The following P4HB variants were observed in gnomAD, a reference collection of about 807,000 sequenced individuals.
The protein encoded by P4HB is protein disulfide-isomerase.
P4HB carries 20 observed loss-of-function variants against 52.6 expected under a neutral mutation model. The observed-to-expected ratio is 0.38, with a 90% CI of 0.27 to 0.55. The LOEUF (loss-of-function observed/expected upper bound fraction) is 0.55. Among genes scored for constraint, P4HB ranks in the 20% least tolerant of loss-of-function variants. P4HB has a pLI of 0.74. For missense variants in P4HB, 601 were observed against 669.2 expected, an observed-to-expected ratio of 0.90 and a Z score of 1.12; for synonymous variants, 296 against 277.9, an observed-to-expected ratio of 1.07 and a Z score of -0.65.
At position 81,846,026 on chromosome 17, in the gene P4HB, A is replaced by T; in HGVS notation, c.1057-35T>A. 6.3e-7 allele frequency: 1 copy of T among 1,575,346 alleles called. No homozygotes were observed. Among genetic ancestry groups the T allele is most frequent in the South Asian group, 1.1e-5 (1 of 87,746 alleles). On this transcript the variant is annotated intron_variant, in intron 7 of 10. Coordinates refer to ENST00000331483, the MANE Select transcript of P4HB (RefSeq NM_000918.4). The surrounding 1 kb of genome is among the most constrained non-coding windows in gnomAD (Gnocchi z 5.7). Reference sequence around the variant, plus strand: ...AGGCAGGGCACGGTGAGGGGCGGCGATGCCTGGGGGACCACAGAGCTCCCC... The same window carrying T: ...AGGCAGGGCACGGTGAGGGGCGGCGTTGCCTGGGGGACCACAGAGCTCCCC...
At chr17:81,844,276 G>A (rs745425968) in intron 10 of P4HB, among the ~76,000 whole-genome samples, 184 bp from the exon 11 acceptor site, 3 of 152,208 alleles carry the variant, frequency 2.0e-5, no homozygotes, top group Non-Finnish European at 2.9e-5. Context: ...GAAGAGTGAC[G>A]CCTGGGGGAT....
intron 2 of P4HB, among the ~76,000 whole-genome samples, chr17:81,858,257 CAAAAAA>C (rs901002093): frequency 7.7e-5 from 3 of 38,780 alleles, no homozygotes; most frequent in African/African-American, 1.5e-4. Flanking sequence ...GAGACTGTCT[CAAAAAA>C]AAAAAAAAAA....
In P4HB at chr17:81,846,731, T is replaced by A; in HGVS notation, c.856-102A>T. The A allele has an allele frequency of 7.6e-7, 1 of 1,322,168 alleles. No homozygotes were observed. The highest frequency in any genetic ancestry group is 1.2e-5 in the South Asian group (1 of 80,604). The allele number at this position is 1,322,168 out of a possible 1,614,324, so 81.9% of individuals were successfully genotyped here. ...AGACCGTGCTCCGGTGCCTTTTTCCTCCAACCTGGATTCCGGGGTTGCCCA... is the reference window on the plus strand; with the variant it reads ...AGACCGTGCTCCGGTGCCTTTTTCCACCAACCTGGATTCCGGGGTTGCCCA... On this transcript the variant is annotated intron_variant, in intron 6 of 10. Coordinates refer to ENST00000331483, the MANE Select transcript of P4HB (RefSeq NM_000918.4). The surrounding 1 kb of genome is among the most constrained non-coding windows in gnomAD (Gnocchi z 5.7).
chr17:81,855,607 G>A lies in P4HB; in HGVS notation c.353-21C>T, dbSNP rs749709075. ...GCCAGCTAACCCCAAACAAATGTAGGTTCTACTCTCAAACAGGGAGTGCCG... is the reference window on the plus strand; with the variant it reads ...GCCAGCTAACCCCAAACAAATGTAGATTCTACTCTCAAACAGGGAGTGCCG... On this transcript the variant is annotated intron_variant, in intron 2 of 10. Transcript: ENST00000331483. This position sits in a 1 kb window ranked among gnomAD's most constrained non-coding sequence, Gnocchi z 4.3. 4.4e-6 allele frequency: 7 copies of A among 1,607,294 alleles called. No individual in the cohort carries two copies. Among genetic ancestry groups the A allele is most frequent in the Admixed American group, 1.7e-5 (1 of 59,426 alleles).
rs202216013 is a variant in P4HB at position 81,843,703 on chromosome 17, G to A, written c.*309C>T. The A allele has an allele frequency of 2.3e-6, 1 of 429,108 alleles. No homozygotes were observed. The highest frequency in any genetic ancestry group is 4.0e-5 in the Admixed American group (1 of 24,966). 26.6% of individuals were successfully genotyped at this position (429,108 alleles called of 1,614,324 possible). ...AAACCTCCCGCGGGAGGGAGGCAGC[G>A]AGACTCCGAACACGGTAGCAAGCAC... On this transcript the variant is annotated 3_prime_UTR_variant, in exon 11 of 11. Transcript: ENST00000331483.
chr17:81,849,811 T>G (rs1042525924), intron 4 of P4HB, among the ~76,000 whole-genome samples: 8 of 151,816 alleles, frequency 5.3e-5, no homozygotes. Flanking sequence ...ACTTTTTTAT[T>G]TATTTTTAAA....
In P4HB at chr17:81,855,519, C is replaced by A; in HGVS notation, c.420G>T (p.Leu140=). ...AGGACTCTGCAGCTGCGCCGTCAGG[C>A]AGGGTGGTGGCAGCCGGGCCCGTGC... ...KKRTGPAATT[L]PDGAAAESLV... The change falls in exon 3 of 11, where the codon CTG becomes CTT. Residue 140 remains leucine (L), a synonymous_variant. Coordinates refer to ENST00000331483, the MANE Select transcript of P4HB (RefSeq NM_000918.4). The surrounding 1 kb of genome is among the most constrained non-coding windows in gnomAD (Gnocchi z 4.3). The A allele has an allele frequency of 6.2e-7, 1 of 1,614,002 alleles. No homozygotes were observed. The highest frequency in any genetic ancestry group is 8.5e-7 in the Non-Finnish European group (1 of 1,180,010).
chr17:81,860,356 G>A lies in P4HB; in HGVS notation c.116C>T (p.Ala39Val). ...LRKSNFAEAL[A>V]AHKYLLVEFY... ...CTCCACCAGCAGGTACTTGTGGGCC[G>A]CCAGCGCCTCCGCGAAGTTGCTTTT... Residue 39 changes from alanine to valine, a missense_variant, in exon 1 of 11, where the codon GCG becomes GTG. Ala to Val is a moderately conservative substitution (Grantham distance 64). Coordinates refer to ENST00000331483, the MANE Select transcript of P4HB (RefSeq NM_000918.4). The A allele has an allele frequency of 1.4e-6, 2 of 1,472,326 alleles. No individual in the cohort carries two copies. The highest frequency in any genetic ancestry group is 1.3e-5 in the South Asian group (1 of 76,124). 91.2% of individuals were successfully genotyped at this position (1,472,326 alleles called of 1,614,324 possible).
Position 81,846,747 on chromosome 17 carries a change from G to A in P4HB, c.856-118C>T. 3 of 1,262,608 alleles carry A rather than the reference G, an allele frequency of 2.4e-6. No individual in the cohort carries two copies. The highest frequency in any genetic ancestry group is 2.2e-6 in the Non-Finnish European group (2 of 892,372). The allele number at this position is 1,262,608 out of a possible 1,614,324, so 78.2% of individuals were successfully genotyped here. Reference sequence around the variant, plus strand: ...CCTTTTTCCTCCAACCTGGATTCCGGGGTTGCCCAACCAGACCAGCAGGTG... The same window carrying A: ...CCTTTTTCCTCCAACCTGGATTCCGAGGTTGCCCAACCAGACCAGCAGGTG... On this transcript the variant is annotated intron_variant, in intron 6 of 10. Transcript: ENST00000331483. The surrounding 1 kb of genome is among the most constrained non-coding windows in gnomAD (Gnocchi z 5.7).
chr17:81,849,334 A>T (rs2038791214), intron 4 of P4HB, among the ~76,000 whole-genome samples: 1 of 151,774 alleles, frequency 6.6e-6, no homozygotes, highest in Non-Finnish European at 1.5e-5. Flanking sequence ...CGTCTTTACT[A>T]GAAATACAAA....
intron 4 of P4HB, 74 bp from the exon 5 acceptor site, chr17:81,847,421 C>T (rs990794135): frequency 1.5e-5 from 20 of 1,304,256 alleles, no homozygotes; most frequent in South Asian, 5.9e-5. Flanking sequence ...TCTCCCTGGA[C>T]GTGGGAAGTC....
In P4HB at chr17:81,855,171, C is replaced by T. The variant is rs199956742; in HGVS notation, c.595G>A (p.Asp199Asn). ...TTAAAGAGGACAACCCCATCTTTGT[C>T]GAGCTGGTATTTGGAGAACACGTCA... ...NSDVFSKYQL[D>N]KDGVVLFKKF... The change falls in exon 4 of 11, where the codon GAC becomes AAC. Residue 199 changes from aspartate to asparagine, a missense_variant. By Grantham distance (23) the Asp-to-Asn change is conservative (BLOSUM62 1). Transcript: ENST00000331483. The surrounding 1 kb of genome is among the most constrained non-coding windows in gnomAD (Gnocchi z 4.3). 9.9e-6 allele frequency: 16 copies of T among 1,614,054 alleles called. No homozygotes were observed. The highest frequency in any genetic ancestry group is 1.2e-5 in the Non-Finnish European group (14 of 1,179,994).
At chr17:81,857,973 T>C (rs2038937035) in intron 2 of P4HB, among the ~76,000 whole-genome samples, 1 of 151,996 alleles carries the variant, frequency 6.6e-6, no homozygotes, top group Non-Finnish European at 1.5e-5. Context: ...CACTTCCCGT[T>C]CCAAAAGTGA....
intron 9 of P4HB, 45 bp from the exon 10 acceptor site, chr17:81,845,275 G>A (rs1174303509): frequency 6.7e-7 from 1 of 1,489,672 alleles, no homozygotes; most frequent in Admixed American, 1.7e-5. Context: ...CCGGCCCAGA[G>A]CCAATCTCCT....
chr17:81,849,826 A>T (rs545841678), intron 4 of P4HB, among the ~76,000 whole-genome samples: 69 of 151,224 alleles, frequency 4.6e-4, no homozygotes, highest in African/African-American at 1.6e-3. Flanking sequence ...TTTAAAATTT[A>T]TTTATTTTTT....
At chr17:81,854,610 G>C (rs1033238726) in intron 4 of P4HB, among the ~76,000 whole-genome samples, 1 of 151,932 alleles carries the variant, frequency 6.6e-6, no homozygotes, top group Non-Finnish European at 1.5e-5. Context: ...ACTTTGGGAG[G>C]CTGAGGTGGG....
chr17:81,859,916 T>C (rs1220693092), intron 1 of P4HB: 2 of 180,592 alleles, frequency 1.1e-5, no homozygotes, highest in African/African-American at 4.7e-5. Context: ...CTTATGGACG[T>C]GAGGAAGGCT....
rs2038743547 is a variant in P4HB at position 81,846,873 on chromosome 17, C to T, written c.855+74G>A. The T allele has an allele frequency of 1.3e-6, 2 of 1,582,454 alleles. No homozygotes were observed. Among genetic ancestry groups the T allele is most frequent in the Non-Finnish European group, 1.7e-6 (2 of 1,156,786 alleles). On this transcript the variant is annotated intron_variant, in intron 6 of 10. Coordinates refer to ENST00000331483, the MANE Select transcript of P4HB (RefSeq NM_000918.4). This position sits in a 1 kb window ranked among gnomAD's most constrained non-coding sequence, Gnocchi z 5.7. ...CCAGCAGGCAGCCTCAGGAAGGCCC[C>T]ACACTTGTCACCTCGGGAAGAGTTG...
At chr17:81,847,191 C>A in intron 5 of P4HB, 52 bp downstream of exon 5, 2 of 1,602,936 alleles carry the variant, frequency 1.2e-6, no homozygotes, top group Non-Finnish European at 1.7e-6. Flanking sequence ...CTCATGCCAC[C>A]CCCAACCCAC....
Sources: allele counts gnomAD v4.1 joint callset (sites outside exome capture counted in the v4.1 genomes callset), GRCh38; gene constraint gnomAD v4.1.1; non-coding constraint Gnocchi (gnomAD v3.1); transcripts MANE v1.5; gene names NCBI Gene and HGNC (gene_info 2026-07-23, HGNC 2026-07-21).